The following B4GALT4 variants were observed in gnomAD, a reference collection of about 807,000 sequenced individuals.
The protein encoded by B4GALT4 is beta-1,4-galactosyltransferase 4.
In B4GALT4, 27 loss-of-function variants were observed where a neutral mutation model predicts 37.3. The observed-to-expected ratio is 0.72, with a 90% CI of 0.53 to 1.00. The LOEUF (loss-of-function observed/expected upper bound fraction) is 1.00, where lower values mean the gene tolerates loss of function less well. B4GALT4 is among the 50% of genes least tolerant of loss of function. B4GALT4 has a pLI of 0.00. For missense variants in B4GALT4, 372 were observed against 413.1 expected (o/e 0.90, Z 0.86); for synonymous variants, 148 against 154.1 (o/e 0.96, Z 0.29).
At chr3:119,219,361 CA>C (rs1342974829) in intron 5 of B4GALT4, among the ~76,000 whole-genome samples, 3 of 152,190 alleles carry the variant, frequency 2.0e-5, no homozygotes, top group Non-Finnish European at 4.4e-5. Context: ...TCTGGCCTGC[CA>C]ACCAGACAGA....
chr3:119,224,741 G>C (rs891407824), intron 4 of B4GALT4, among the ~76,000 whole-genome samples: 2 of 152,042 alleles, frequency 1.3e-5, no homozygotes, highest in Admixed American at 1.3e-4. Flanking sequence ...TTTAAAAGCA[G>C]CTTTAAAATA....
Position 119,212,326 on chromosome 3 carries a change from A to G in B4GALT4, c.*223T>C. ...AAGTCCTTCAAGTATCCATATTACA[A>G]TATTTAACCCTCATGATCAAAATGA... On this transcript the variant is annotated 3_prime_UTR_variant, in exon 8 of 8. Transcript: ENST00000393765. 1.5e-6 allele frequency: 1 copy of G among 666,352 alleles called. No homozygotes were observed. Among genetic ancestry groups the G allele is most frequent in the East Asian group, 2.7e-5 (1 of 37,058 alleles). 41.3% of individuals were successfully genotyped at this position (666,352 alleles called of 1,614,324 possible). A position where few individuals can be genotyped will look rare whatever the true frequency, so the allele number is the denominator to read the frequency against.
At position 119,227,146 on chromosome 3, in the gene B4GALT4, A is replaced by G. The variant is rs2078646184; in HGVS notation, c.254-105T>C. The G allele has an allele frequency of 4.4e-6, 4 of 913,126 alleles. No homozygotes were observed. The African/African-American group carries it at 6.6e-5, about 15-fold the overall frequency. The allele number at this position is 913,126 out of a possible 1,614,324, so 56.6% of individuals were successfully genotyped here. A position where few individuals can be genotyped will look rare whatever the true frequency, so the allele number is the denominator to read the frequency against. On this transcript the variant is annotated intron_variant, in intron 3 of 7. Transcript: ENST00000393765. ...AAAGAACACTGCCCAGCTCACAGTG[A>G]GTACTACAAATGTCAGCTTTTATTA...
At chr3:119,236,503 G>A (rs1210699606) in intron 2 of B4GALT4, among the ~76,000 whole-genome samples, 2 of 152,202 alleles carry the variant, frequency 1.3e-5, no homozygotes, top group African/African-American at 2.4e-5. Context: ...AAGAGTCAGA[G>A]ACTAGGTATA....
intron 2 of B4GALT4, chr3:119,232,551 ATTCAGG>A (rs111377479): frequency 0.033 from 5,042 of 152,164 alleles, 275 homozygotes; most frequent in African/African-American, 0.12. Context: ...ACCCTTGAAT[ATTCAGG>A]TTCCCTTGGG....
At position 119,224,395 on chromosome 3, in the gene B4GALT4, A is replaced by G. The variant is rs186068913; in HGVS notation, c.487-150T>C. On this transcript the variant is annotated intron_variant, in intron 4 of 7. Transcript: ENST00000393765. ...CATAAAGATCTGACAGAGAAGATGC[A>G]ATGACAATAAAAGACCATTTGATTT... 215 of 552,772 alleles carry G rather than the reference A, an allele frequency of 3.9e-4. 1 individual carries two copies. Among genetic ancestry groups the G allele is most frequent in the Middle Eastern group, 3.4e-3 (7 of 2,056 alleles). 34.2% of individuals were successfully genotyped at this position (552,772 alleles called of 1,614,324 possible). A position where few individuals can be genotyped will look rare whatever the true frequency, so the allele number is the denominator to read the frequency against.
rs1196709743 is a variant in B4GALT4, at chr3:119,224,154, T to C, written c.578A>G (p.His193Arg). The C allele has an allele frequency of 6.2e-7, 1 of 1,614,130 alleles. No homozygotes were observed. The highest frequency in any genetic ancestry group is 2.2e-5 in the East Asian group (1 of 44,882). Residue 193 changes from histidine to arginine, a missense_variant, in exon 5 of 8, where the codon CAC becomes CGC. Coordinates refer to ENST00000393765, the MANE Select transcript of B4GALT4 (RefSeq NM_003778.4). ...ATTCTCGGGTACCAGGTCCACATCGTGGAATATAAAGCAGTCCCAATTTTC... is the reference window on the plus strand; with the variant it reads ...ATTCTCGGGTACCAGGTCCACATCGCGGAATATAAAGCAGTCCCAATTTTC... ...KEENWDCFIF[H>R]DVDLVPENDF...
In B4GALT4 at chr3:119,226,976, T is replaced by C. The variant is rs1485698571; in HGVS notation, c.319A>G (p.Lys107Glu). 2.5e-6 allele frequency: 4 copies of C among 1,614,086 alleles called. No individual in the cohort carries two copies. The highest frequency in any genetic ancestry group is 2.5e-6 in the Non-Finnish European group (3 of 1,180,034). Residue 107 changes from lysine to glutamate, a missense_variant, in exon 4 of 8, where the codon AAA becomes GAA. Coordinates refer to ENST00000393765, the MANE Select transcript of B4GALT4 (RefSeq NM_003778.4). ...TLEEVQAENP[K>E]VSRGRYRPQE... ...GGGCGATACCGGCCTCTGGACACTT[T>C]GGGATTTTCTGCCTGTACCTCTTCC...
chr3:119,224,331 A>C, intron 4 of B4GALT4, 86 bp from the exon 5 acceptor site: 1 of 891,806 alleles, frequency 1.1e-6, no homozygotes, highest in South Asian at 2.2e-5. Context: ...AGGAGATGGT[A>C]TTATTCTAAT....
rs746759597 is a variant in B4GALT4 at position 119,224,014 on chromosome 3, GTTGAGC to G, written c.674+38_674+43del. On this transcript the variant is annotated intron_variant, in intron 5 of 7. Coordinates refer to ENST00000393765, the MANE Select transcript of B4GALT4 (RefSeq NM_003778.4). ...GTTCCACCCAGTCTTGATCACAATA[GTTGAGC>G]TTCTCGACCTAAGCCACCCTCAGCA... 5 of 1,547,742 alleles carry G rather than the reference GTTGAGC, an allele frequency of 3.2e-6. No homozygotes were observed. In the Admixed American group the frequency reaches 1.0e-4, roughly 31 times the overall value.
chr3:119,239,852 C>T (rs1044248452), intron 1 of B4GALT4, among the ~76,000 whole-genome samples: 3 of 152,246 alleles, frequency 2.0e-5, no homozygotes, highest in East Asian at 3.9e-4. Flanking sequence ...CAAGAGAGAC[C>T]TTCCAGCACT....
intron 7 of B4GALT4, chr3:119,214,375 T>A (rs1174878295): frequency 6.6e-6 from 1 of 152,200 alleles, no homozygotes; most frequent in African/African-American, 2.4e-5. Context: ...AAATACAGAT[T>A]CTTCAATCAA....
intron 2 of B4GALT4, among the ~76,000 whole-genome samples, chr3:119,235,811 T>C (rs1394254619): frequency 6.6e-6 from 1 of 151,906 alleles, no homozygotes; most frequent in African/African-American, 2.4e-5. Context: ...AGCATTTGAG[T>C]AATTTAAAAA....
At chr3:119,218,586 T>C in intron 6 of B4GALT4, 64 bp downstream of exon 6, 4 of 1,602,946 alleles carry the variant, frequency 2.5e-6, no homozygotes, top group Non-Finnish European at 3.4e-6. Context: ...TAAATATAAA[T>C]GCAGGTCTCC....
At chr3:119,232,577 C>A (rs1489886203) in intron 2 of B4GALT4, 1 of 152,216 alleles carries the variant, frequency 6.6e-6, no homozygotes, top group Non-Finnish European at 1.5e-5. Flanking sequence ...GGGCCTTCTA[C>A]CTCTCTCCCA....
intron 3 of B4GALT4, 30 bp from the exon 4 acceptor site, chr3:119,227,071 C>T: frequency 7.5e-6 from 12 of 1,592,436 alleles, no homozygotes; most frequent in Non-Finnish European, 9.5e-6. Flanking sequence ...CAGACAATAA[C>T]AGTAGCTACT....
At chr3:119,235,801 A>G (rs902783799) in intron 2 of B4GALT4, among the ~76,000 whole-genome samples, 1 of 152,180 alleles carries the variant, frequency 6.6e-6, no homozygotes, top group Non-Finnish European at 1.5e-5. Flanking sequence ...CCAACCTAGA[A>G]GCATTTGAGT....
rs1263712537 is a variant in B4GALT4 at position 119,231,942 on chromosome 3, C to G, written c.-145-1698G>C. 4.6e-5 allele frequency among the ~76,000 whole-genome samples: 7 copies of G among 150,842 alleles called. No homozygotes were observed. In the South Asian group the frequency reaches 1.5e-3, roughly 31 times the overall value. On this transcript the variant is annotated intron_variant, in intron 2 of 7. Coordinates refer to ENST00000393765, the MANE Select transcript of B4GALT4 (RefSeq NM_003778.4). Reference sequence around the variant, plus strand: ...ATATATCATTTTATAATATGGCAGTCTTACAATGAAAACAAAGTGAATTTT... The same window carrying G: ...ATATATCATTTTATAATATGGCAGTGTTACAATGAAAACAAAGTGAATTTT...
At chr3:119,219,690 G>C (rs1468780889) in intron 5 of B4GALT4, among the ~76,000 whole-genome samples, 2 of 152,184 alleles carry the variant, frequency 1.3e-5, no homozygotes, top group Admixed American at 6.5e-5. Flanking sequence ...AAGAAAAAGA[G>C]GCAAGAGGAG....
Sources: gnomAD v4.1 joint callset for allele counts (sites outside exome capture counted in the v4.1 genomes callset) on GRCh38, gnomAD v4.1.1 for gene constraint, MANE v1.5 for transcripts, NCBI Gene and HGNC (gene_info 2026-07-23, HGNC 2026-07-21) for gene names.